PCNX1: variants seen among roughly 807,000 people sequenced by gnomAD.
The protein encoded by PCNX1 is pecanex 1.
In PCNX1, 78 loss-of-function variants were observed where a neutral mutation model predicts 242.2. That is an observed-to-expected ratio of 0.32 (90% CI 0.27 to 0.39). PCNX1 has a LOEUF of 0.39. PCNX1 is among the 10% of genes least tolerant of loss of function. The pLI, the probability that PCNX1 is intolerant of heterozygous loss-of-function variation, is 1.00. For synonymous variants in PCNX1, 1,024 were observed against 1,032.9 expected, an observed-to-expected ratio of 0.99 and a Z score of 0.17; for missense variants, 2,581 against 2,856.5, an observed-to-expected ratio of 0.90 and a Z score of 2.20.
chr14:70,973,211 G>A (rs1208795784), intron 5 of PCNX1, among the ~76,000 whole-genome samples: 1 of 146,588 alleles, frequency 6.8e-6, no homozygotes, highest in Non-Finnish European at 1.5e-5. Flanking sequence ...CATGATTGCA[G>A]CACTACACTC....
At chr14:71,106,862 A>G (rs1005412099) in intron 33 of PCNX1, among the ~76,000 whole-genome samples, 8 of 152,114 alleles carry the variant, frequency 5.3e-5, no homozygotes, top group Admixed American at 5.2e-4. Context: ...CTGTACCACA[A>G]ATATCTTTTC....
rs755507865 is a variant in PCNX1, at chr14:70,978,453, A to G, written c.2116A>G (p.Arg706Gly). The change falls in exon 6 of 36, where the codon AGG (arginine) becomes GGG (glycine). Residue 706 changes from arginine (R) to glycine (G), a missense_variant. Transcript: ENST00000304743. ...GTVACLNDSN[R>G]LMAPESIKPL... ...AGTAGCATGTTTGAATGACTCAAAC[A>G]GGTTAATGGCACCTGAAAGTATAAA... The G allele has an allele frequency of 1.9e-6, 3 of 1,614,216 alleles. No homozygotes were observed. The highest frequency in any genetic ancestry group is 2.2e-5 in the South Asian group (2 of 91,086).
chr14:70,957,105 C>G (rs537874338), intron 2 of PCNX1, among the ~76,000 whole-genome samples: 129 of 152,198 alleles, frequency 8.5e-4, no homozygotes, highest in African/African-American at 2.9e-3. Context: ...AATCTGTCTA[C>G]TAACCTCAGC....
At chr14:71,106,664 G>A (rs1157628894) in intron 33 of PCNX1, among the ~76,000 whole-genome samples, 5 of 151,976 alleles carry the variant, frequency 3.3e-5, no homozygotes, top group South Asian at 4.1e-4. Context: ...GCAGGAGAAG[G>A]GGTGGTCTTT....
chr14:71,087,604 A>T (rs1340048358), intron 28 of PCNX1, among the ~76,000 whole-genome samples: 1 of 152,170 alleles, frequency 6.6e-6, no homozygotes, highest in Admixed American at 6.5e-5. Flanking sequence ...TGGAGTGGCC[A>T]GAGATTTGCA....
chr14:71,102,944 TTTAAACATCTCAGTGCTTTAAGAGGC>T (rs1296589696), intron 31 of PCNX1, among the ~76,000 whole-genome samples: 12 of 152,224 alleles, frequency 7.9e-5, no homozygotes, highest in Non-Finnish European at 1.6e-4. Context: ...TGTTTGTTTT[TTTAAACATCTCAGTGCTTTAAGAGGC>T]TTAATTTCTG....
chr14:70,959,151 A>G (rs954957525), intron 2 of PCNX1, among the ~76,000 whole-genome samples: 3 of 151,000 alleles, frequency 2.0e-5, no homozygotes, highest in African/African-American at 7.3e-5. Context: ...GAGGAACCTT[A>G]TGTAGCATTT....
intron 1 of PCNX1, among the ~76,000 whole-genome samples, chr14:70,910,885 A>G (rs1271333581): frequency 6.6e-6 from 1 of 152,194 alleles, no homozygotes; most frequent in Non-Finnish European, 1.5e-5. Context: ...CCTGGGGGTA[A>G]TGAGTTGTTA....
At chr14:71,105,704 G>C (rs2062595316) in intron 33 of PCNX1, among the ~76,000 whole-genome samples, 1 of 151,170 alleles carries the variant, frequency 6.6e-6, no homozygotes, top group South Asian at 2.1e-4. Flanking sequence ...ACCACGCCCG[G>C]CTATTTTTTT....
chr14:71,051,097 G>A (rs2061015548), intron 23 of PCNX1, among the ~76,000 whole-genome samples: 1 of 144,898 alleles, frequency 6.9e-6, no homozygotes, highest in Non-Finnish European at 1.5e-5. Flanking sequence ...GAATCCAGGA[G>A]GTAGAGGTTG....
At chr14:70,936,528 C>T (rs1371973770) in intron 1 of PCNX1, among the ~76,000 whole-genome samples, 2 of 152,186 alleles carry the variant, frequency 1.3e-5, no homozygotes, top group African/African-American at 2.4e-5. Flanking sequence ...TCCAGTCTAT[C>T]ATTGATGGAC....
intron 23 of PCNX1, among the ~76,000 whole-genome samples, chr14:71,051,192 A>C (rs966137295): frequency 6.6e-6 from 1 of 150,552 alleles, no homozygotes; most frequent in African/African-American, 2.4e-5. Flanking sequence ...AAAAAAAAAA[A>C]AAAAAATCAT....
rs569852671 is a variant in PCNX1 at position 71,100,189 on chromosome 14, G to A, written c.5590-1801G>A. Reference sequence around the variant, plus strand: ...TTCTACTGTATGGTTGCTTTATAGGGTCTGTGGGCTGTGTTCTTAAGTGTG... The same window carrying A: ...TTCTACTGTATGGTTGCTTTATAGGATCTGTGGGCTGTGTTCTTAAGTGTG... On this transcript the variant is annotated intron_variant, in intron 30 of 35. Coordinates refer to ENST00000304743, the MANE Select transcript of PCNX1 (RefSeq NM_014982.3). 2.6e-5 allele frequency among the ~76,000 whole-genome samples: 4 copies of A among 152,222 alleles called. No individual in the cohort carries two copies. The East Asian group carries it at 7.7e-4, about 29-fold the overall frequency.
chr14:70,907,835 G>C lies in PCNX1; in HGVS notation c.-16G>C, dbSNP rs1355013659. 2 of 1,276,342 alleles carry C rather than the reference G, an allele frequency of 1.6e-6. No individual in the cohort carries two copies. The highest frequency in any genetic ancestry group is 1.6e-5 in the African/African-American group (1 of 64,462). The allele number at this position is 1,276,342 out of a possible 1,614,324, so 79.1% of individuals were successfully genotyped here. A position where few individuals can be genotyped will look rare whatever the true frequency, so the allele number is the denominator to read the frequency against. ...GGCGGCGGCGGCGGCGGCGACGGCG[G>C]CGGCGCCGGGTGGGGATGGGGTCGC... On this transcript the variant is annotated 5_prime_UTR_variant, in exon 1 of 36. Transcript: ENST00000304743.
chr14:71,033,584 TTGG>T, intron 17 of PCNX1, 46 bp downstream of exon 17: 1 of 1,083,156 alleles, frequency 9.2e-7, no homozygotes, highest in South Asian at 1.3e-5. Context: ...TTTAAGTAAG[TTGG>T]TGTTTTTTTC....
At chr14:70,919,720 C>T (rs1358294716) in intron 1 of PCNX1, among the ~76,000 whole-genome samples, 3 of 36,416 alleles carry the variant, frequency 8.2e-5, no homozygotes, top group African/African-American at 2.6e-4. Context: ...CCCCCCCCCC[C>T]CCCCCCCCCA....
chr14:71,065,305 G>A (rs537647121), intron 26 of PCNX1, among the ~76,000 whole-genome samples: 2 of 152,172 alleles, frequency 1.3e-5, no homozygotes, highest in South Asian at 2.1e-4. Flanking sequence ...TTTAATGATC[G>A]CCATTGTAAC....
intron 30 of PCNX1, 117 bp downstream of exon 30, chr14:71,089,459 A>G: frequency 1.3e-6 from 1 of 757,922 alleles, no homozygotes; most frequent in Non-Finnish European, 2.0e-6. Flanking sequence ...TGGGTAATTT[A>G]TAAAGGAAAG....
chr14:71,034,780 C>G (rs1413150839), intron 18 of PCNX1, among the ~76,000 whole-genome samples: 1 of 152,118 alleles, frequency 6.6e-6, no homozygotes, highest in Non-Finnish European at 1.5e-5. Flanking sequence ...AAATACAAAA[C>G]TATATCAAGA....
Sources: gnomAD v4.1 joint callset for allele counts (sites outside exome capture counted in the v4.1 genomes callset) on GRCh38, gnomAD v4.1.1 for gene constraint, MANE v1.5 for transcripts, NCBI Gene and HGNC (gene_info 2026-07-23, HGNC 2026-07-21) for gene names.